L3MBTL4: variants seen among roughly 807,000 people sequenced by gnomAD.
L3MBTL4 encodes the protein lethal(3)malignant brain tumor-like protein 4.
Under a neutral mutation model 84.5 loss-of-function variants are expected in L3MBTL4, and 70 were observed. The ratio of observed to expected loss-of-function variants is 0.83; its 90% CI spans 0.68 to 1.01. The LOEUF is 1.01. Among genes scored for constraint, L3MBTL4 ranks in the 50% least tolerant of loss-of-function variants. The probability of loss-of-function intolerance (pLI) is 0.00; values close to 1 mark genes in which losing one functional copy is unlikely to be tolerated. For missense variants in L3MBTL4, 715 were observed against 754.8 expected (o/e 0.95, Z 0.62); for synonymous variants, 274 against 259.8 (o/e 1.05, Z -0.52).
chr18:6,026,147 A>G (rs2055495778), intron 16 of L3MBTL4, among the ~76,000 whole-genome samples: 1 of 152,220 alleles, frequency 6.6e-6, no homozygotes, highest in Admixed American at 6.5e-5. Context: ...ACATTCTTTT[A>G]GCCTTAGAAA....
chr18:6,270,369 G>A (rs988270416), intron 4 of L3MBTL4, among the ~76,000 whole-genome samples: 1 of 152,186 alleles, frequency 6.6e-6, no homozygotes, highest in Non-Finnish European at 1.5e-5. Flanking sequence ...AGGCAAAGCA[G>A]GTACTGAGAG....
At chr18:5,965,129 C>T (rs1024643002) in intron 17 of L3MBTL4, among the ~76,000 whole-genome samples, 4 of 152,204 alleles carry the variant, frequency 2.6e-5, no homozygotes, top group African/African-American at 9.7e-5. Context: ...ATCCTTATAA[C>T]CTATGAAGTG....
chr18:6,192,313 C>T lies in L3MBTL4; in HGVS notation c.982-20371G>A, dbSNP rs191839658. On this transcript the variant is annotated intron_variant, in intron 12 of 18. Coordinates refer to ENST00000317931, the MANE Select transcript of L3MBTL4 (RefSeq NM_001330559.2). ...AAATTGTCTTACGGAAAGGGAAAAA[C>T]GAAGGATAAGGAAGAGCAGTGAGTT... Among the ~76,000 whole-genome samples, 134 of 152,144 alleles carry T rather than the reference C, an allele frequency of 8.8e-4. No homozygotes were observed. The South Asian group carries it at 0.013, about 15-fold the overall frequency.
chr18:6,069,273 A>G (rs2057500327), intron 16 of L3MBTL4, among the ~76,000 whole-genome samples: 1 of 152,212 alleles, frequency 6.6e-6, no homozygotes, highest in African/African-American at 2.4e-5. Flanking sequence ...ATCTGAGGTC[A>G]CATAGTCATT....
At chr18:6,235,785 C>T (rs753841743) in intron 10 of L3MBTL4, among the ~76,000 whole-genome samples, 1 of 152,142 alleles carries the variant, frequency 6.6e-6, no homozygotes, top group Non-Finnish European at 1.5e-5. Context: ...ATTGTGAATA[C>T]ATTAAATACC....
At chr18:6,300,366 A>C (rs745354197) in intron 4 of L3MBTL4, among the ~76,000 whole-genome samples, 1 of 152,180 alleles carries the variant, frequency 6.6e-6, no homozygotes, top group African/African-American at 2.4e-5. Flanking sequence ...GGAACAATAT[A>C]TTATCAGATT....
chr18:6,108,009 G>A (rs899274631), intron 14 of L3MBTL4, among the ~76,000 whole-genome samples: 4 of 152,164 alleles, frequency 2.6e-5, no homozygotes, highest in Non-Finnish European at 4.4e-5. Context: ...CAACAGGAAG[G>A]AGCTGGTCTG....
intron 13 of L3MBTL4, among the ~76,000 whole-genome samples, chr18:6,158,713 A>G (rs1469392706): frequency 2.0e-5 from 3 of 152,200 alleles, no homozygotes; most frequent in African/African-American, 7.2e-5. Flanking sequence ...CCACATGGCT[A>G]CTTACACATG....
Position 6,382,330 on chromosome 18 carries a change from C to G in L3MBTL4, c.-91+32471G>C, listed in dbSNP as rs992686075. ...ATTACCCACCTTCTGAAGCCTACTT[C>G]TGTCAATTCATCAGACTCATTCTCC... On this transcript the variant is annotated intron_variant, in intron 1 of 18. Transcript: ENST00000317931. Among the ~76,000 whole-genome samples, 4 of 152,292 alleles carry G rather than the reference C, an allele frequency of 2.6e-5. No individual in the cohort carries two copies. The South Asian group carries it at 8.3e-4, about 32-fold the overall frequency.
intron 13 of L3MBTL4, among the ~76,000 whole-genome samples, chr18:6,159,452 G>C (rs1476700752): frequency 6.6e-6 from 1 of 152,222 alleles, no homozygotes; most frequent in African/African-American, 2.4e-5. Flanking sequence ...GATTCCATCA[G>C]TTTCATATTC....
intron 17 of L3MBTL4, among the ~76,000 whole-genome samples, chr18:5,966,092 G>A (rs1230071362): frequency 6.6e-6 from 1 of 152,114 alleles, no homozygotes; most frequent in Non-Finnish European, 1.5e-5. Context: ...TCCTCCTTCT[G>A]AGATCTTCTC....
At chr18:5,964,178 T>A (rs924566442) in intron 17 of L3MBTL4, among the ~76,000 whole-genome samples, 2 of 152,186 alleles carry the variant, frequency 1.3e-5, no homozygotes, top group African/African-American at 2.4e-5. Flanking sequence ...AAATCCCTGT[T>A]TTGTTTTGGA....
At chr18:6,398,246 C>T (rs751531239) in intron 1 of L3MBTL4, among the ~76,000 whole-genome samples, 1 of 152,120 alleles carries the variant, frequency 6.6e-6, no homozygotes, top group African/African-American at 2.4e-5. Context: ...AGAAAACAGT[C>T]GCAATTGTGG....
At chr18:6,143,969 T>G (rs138236551) in intron 13 of L3MBTL4, among the ~76,000 whole-genome samples, 6,265 of 151,502 alleles carry the variant, frequency 0.041, 207 homozygotes, top group African/African-American at 0.09. Context: ...AGGCCAAGGG[T>G]GGCGGATCAC....
chr18:6,295,317 T>TCTCTCTCC (rs1197729288), intron 4 of L3MBTL4, among the ~76,000 whole-genome samples: 4 of 113,296 alleles, frequency 3.5e-5, no homozygotes, highest in African/African-American at 1.3e-4. Context: ...CAACTCTCTC[T>TCTCTCTCC]CTCTCTCTCT....
intron 1 of L3MBTL4, among the ~76,000 whole-genome samples, chr18:6,341,495 A>G (rs946326845): frequency 3.3e-5 from 5 of 151,800 alleles, no homozygotes; most frequent in Admixed American, 2.6e-4. Flanking sequence ...GAACTCAAAA[A>G]TTCAACTGAG....
intron 1 of L3MBTL4, among the ~76,000 whole-genome samples, chr18:6,404,381 A>G (rs1051149664): frequency 2.0e-5 from 3 of 152,230 alleles, no homozygotes; most frequent in African/African-American, 7.2e-5. Context: ...AGTGCACCCC[A>G]AGCCATTCAC....
chr18:6,311,223 C>G (rs1423019040), intron 3 of L3MBTL4, among the ~76,000 whole-genome samples: 4 of 151,686 alleles, frequency 2.6e-5, no homozygotes, highest in Non-Finnish European at 5.9e-5. Context: ...ATACGGTCAT[C>G]CTAGGGGGTC....
At chr18:6,076,709 A>G (rs1701940165) in intron 16 of L3MBTL4, among the ~76,000 whole-genome samples, 1 of 152,170 alleles carries the variant, frequency 6.6e-6, no homozygotes, top group Non-Finnish European at 1.5e-5. Flanking sequence ...TCCAAAATAA[A>G]TCCATTAAGG....
Sources: allele counts gnomAD v4.1 joint callset (sites outside exome capture counted in the v4.1 genomes callset), GRCh38; gene constraint gnomAD v4.1.1; transcripts MANE v1.5; gene names NCBI Gene and HGNC (gene_info 2026-07-23, HGNC 2026-07-21).